Variants in MAML3 observed in about 807,000 individuals in gnomAD.
The protein encoded by MAML3 is mastermind-like protein 3.
A neutral mutation model predicts 101.9 loss-of-function variants in MAML3; 27 were observed. The ratio of observed to expected loss-of-function variants is 0.27; its 90% CI spans 0.20 to 0.37. MAML3 has a LOEUF of 0.37. MAML3 is among the 10% of genes least tolerant of loss of function. MAML3 has a pLI of 1.00. For missense variants in MAML3, 1,316 were observed against 1,444.9 expected (o/e 0.91, Z 1.45); for synonymous variants, 501 against 555.9 (o/e 0.90, Z 1.39).
intron 1 of MAML3, among the ~76,000 whole-genome samples, chr4:139,934,549 C>G (rs1733468932): frequency 6.6e-6 from 1 of 152,028 alleles, no homozygotes; most frequent in South Asian, 2.1e-4. Context: ...TCTCCATCAC[C>G]CCCTCAGAAA....
chr4:139,915,476 T>C (rs755441614), intron 1 of MAML3, among the ~76,000 whole-genome samples: 3 of 152,208 alleles, frequency 2.0e-5, no homozygotes, highest in Non-Finnish European at 2.9e-5. Context: ...CAGAGCCTCA[T>C]AGAACCTCAT....
intron 2 of MAML3, among the ~76,000 whole-genome samples, chr4:139,846,486 T>C (rs1731448355): frequency 6.6e-6 from 1 of 152,136 alleles, no homozygotes; most frequent in Non-Finnish European, 1.5e-5. Flanking sequence ...TAGCTGGGAC[T>C]ATAGGCGTGC....
intron 2 of MAML3, chr4:139,740,371 A>C (rs1729119879): frequency 6.6e-6 from 1 of 152,254 alleles, no homozygotes; most frequent in African/African-American, 2.4e-5. Context: ...AGACGAGCAC[A>C]GCCTCTGCCG....
intron 1 of MAML3, among the ~76,000 whole-genome samples, chr4:140,048,704 T>A (rs1404682306): frequency 6.6e-6 from 1 of 152,182 alleles, no homozygotes; most frequent in Non-Finnish European, 1.5e-5. Context: ...AAGAACAGCC[T>A]TTCACATTTC....
At chr4:139,861,764 C>G (rs1047879964) in intron 2 of MAML3, among the ~76,000 whole-genome samples, 4 of 152,068 alleles carry the variant, frequency 2.6e-5, no homozygotes, top group Non-Finnish European at 2.9e-5. Flanking sequence ...CTCAGTGGGC[C>G]TAGTTACCTT....
At chr4:139,952,827 C>T (rs1047059580) in intron 1 of MAML3, among the ~76,000 whole-genome samples, 22 of 152,318 alleles carry the variant, frequency 1.4e-4, no homozygotes, top group Middle Eastern at 6.8e-3. Context: ...AGTCAGGACT[C>T]CCCCAAATCC....
At chr4:140,132,443 GA>G (rs1728810919) in intron 1 of MAML3, among the ~76,000 whole-genome samples, 1 of 152,080 alleles carries the variant, frequency 6.6e-6, no homozygotes, top group African/African-American at 2.4e-5. Context: ...TCAAGACAAG[GA>G]AAAAAACGCC....
Position 139,781,276 on chromosome 4 carries a change from A to C in MAML3, c.2080-50609T>G, listed in dbSNP as rs1440649108. ...CGTTTTCCTATTTGGATCATAATTT[A>C]TGCTGCACAATTCAGTTGCCTCACT... On this transcript the variant is annotated intron_variant, in intron 2 of 4. Transcript: ENST00000509479. Among the ~76,000 whole-genome samples, 4 of 152,142 alleles carry C rather than the reference A, an allele frequency of 2.6e-5. No homozygotes were observed. The East Asian group carries it at 5.8e-4, about 22-fold the overall frequency.
chr4:139,996,409 T>C (rs1043390023), intron 1 of MAML3, among the ~76,000 whole-genome samples: 2 of 152,128 alleles, frequency 1.3e-5, no homozygotes, highest in African/African-American at 4.8e-5. Context: ...CTTCCTTCAG[T>C]TCTGTGTGTT....
chr4:139,734,172 A>G (rs1728835965), intron 2 of MAML3, among the ~76,000 whole-genome samples: 3 of 152,226 alleles, frequency 2.0e-5, no homozygotes, highest in South Asian at 4.1e-4. Context: ...GGCCACTAAC[A>G]TAATACATGG....
intron 1 of MAML3, among the ~76,000 whole-genome samples, chr4:140,013,114 G>C (rs1486343127): frequency 6.6e-6 from 1 of 152,134 alleles, no homozygotes; most frequent in Non-Finnish European, 1.5e-5. Context: ...AATAAAGAAA[G>C]AACTATTTGG....
intron 2 of MAML3, among the ~76,000 whole-genome samples, chr4:139,854,066 G>A (rs890443722): frequency 6.6e-6 from 1 of 151,758 alleles, no homozygotes; most frequent in Non-Finnish European, 1.5e-5. Context: ...CAGGTGATCC[G>A]CCCGCCTCGT....
chr4:140,009,704 A>G (rs1376037445), intron 1 of MAML3, among the ~76,000 whole-genome samples: 1 of 152,250 alleles, frequency 6.6e-6, no homozygotes, highest in Non-Finnish European at 1.5e-5. Flanking sequence ...CCTGCTGTGC[A>G]CCAGGAACTA....
At chr4:139,835,306 A>G (rs982590145) in intron 2 of MAML3, among the ~76,000 whole-genome samples, 4 of 152,252 alleles carry the variant, frequency 2.6e-5, no homozygotes, top group African/African-American at 9.6e-5. Context: ...TTTATGCCTC[A>G]GGGCGCCTGA....
chr4:139,781,398 T>A (rs1354635715), intron 2 of MAML3, among the ~76,000 whole-genome samples: 1 of 152,054 alleles, frequency 6.6e-6, no homozygotes. Flanking sequence ...GTATGCTGTT[T>A]AAATTTGGCA....
At chr4:139,982,123 T>G (rs1291283714) in intron 1 of MAML3, among the ~76,000 whole-genome samples, 1 of 152,254 alleles carries the variant, frequency 6.6e-6, no homozygotes, top group Non-Finnish European at 1.5e-5. Flanking sequence ...TTGAAATTCT[T>G]CTGTGTGATA....
intron 1 of MAML3, among the ~76,000 whole-genome samples, chr4:140,055,654 G>A (rs1727338365): frequency 6.6e-6 from 1 of 152,270 alleles, no homozygotes; most frequent in African/African-American, 2.4e-5. Flanking sequence ...AGCTCCTTGA[G>A]CACTCAGCTA....
chr4:139,992,475 A>G (rs1734699687), intron 1 of MAML3, among the ~76,000 whole-genome samples: 1 of 152,164 alleles, frequency 6.6e-6, no homozygotes, highest in Non-Finnish European at 1.5e-5. Flanking sequence ...ACAGTAATAT[A>G]TGAGAATTTC....
At chr4:140,122,220 C>CTTT (rs369602172) in intron 1 of MAML3, among the ~76,000 whole-genome samples, 1,345 of 124,500 alleles carry the variant, frequency 0.011, 75 homozygotes, top group East Asian at 0.033. Flanking sequence ...TCAAACGAGA[C>CTTT]TTTTTTTTTT....
Sources: allele counts gnomAD v4.1 joint callset (sites outside exome capture counted in the v4.1 genomes callset), GRCh38; gene constraint gnomAD v4.1.1; transcripts MANE v1.5; gene names NCBI Gene and HGNC (gene_info 2026-07-23, HGNC 2026-07-21).